The following OCA2 variants were observed in gnomAD, a reference collection of about 807,000 sequenced individuals.
The protein encoded by OCA2 is OCA2 melanosomal transmembrane protein.
Under a neutral mutation model 100.2 loss-of-function variants are expected in OCA2, and 77 were observed. That is an observed-to-expected ratio of 0.77 (90% CI 0.64 to 0.93). The LOEUF (loss-of-function observed/expected upper bound fraction) is 0.93, where lower values mean the gene tolerates loss of function less well. Among genes scored for constraint, OCA2 ranks in the 40% least tolerant of loss-of-function variants. OCA2 has a pLI of 0.00. For synonymous variants in OCA2, 432 were observed against 439.2 expected, an observed-to-expected ratio of 0.98 and a Z score of 0.21; for missense variants, 1,062 against 1,089.1, an observed-to-expected ratio of 0.98 and a Z score of 0.35.
chr15:27,879,244 C>A (rs921027969), intron 19 of OCA2, among the ~76,000 whole-genome samples: 1 of 152,112 alleles, frequency 6.6e-6, no homozygotes, highest in Non-Finnish European at 1.5e-5. Flanking sequence ...TTTTCTTTAT[C>A]CAGGCTATCA....
intron 22 of OCA2, among the ~76,000 whole-genome samples, chr15:27,847,917 G>A (rs770837575): frequency 4.8e-4 from 73 of 152,330 alleles, no homozygotes; most frequent in African/African-American, 1.0e-3. Context: ...GCTCTGTGGC[G>A]CCGTCAGGAC....
intron 2 of OCA2, among the ~76,000 whole-genome samples, chr15:28,080,509 A>G (rs2044585525): frequency 6.6e-6 from 1 of 152,274 alleles, no homozygotes; most frequent in Non-Finnish European, 1.5e-5. Context: ...GAGCAACTCA[A>G]AGTTTCACCA....
chr15:27,791,295 A>G (rs1294855429), intron 23 of OCA2, among the ~76,000 whole-genome samples: 1 of 152,228 alleles, frequency 6.6e-6, no homozygotes, highest in African/African-American at 2.4e-5. Context: ...AATGATGAAA[A>G]GACACTCTTA....
At chr15:27,865,524 C>A (rs1022022555) in intron 21 of OCA2, among the ~76,000 whole-genome samples, 1 of 152,214 alleles carries the variant, frequency 6.6e-6, no homozygotes, top group African/African-American at 2.4e-5. Context: ...TGTGGGCAGG[C>A]ACACCTGTCT....
chr15:27,960,268 A>T (rs550778577), intron 15 of OCA2, among the ~76,000 whole-genome samples: 3 of 152,330 alleles, frequency 2.0e-5, no homozygotes, highest in African/African-American at 7.2e-5. Flanking sequence ...TTCCACATTA[A>T]CATTATTGTG....
intron 2 of OCA2, among the ~76,000 whole-genome samples, chr15:28,044,376 C>T (rs563939357): frequency 9.4e-4 from 143 of 152,252 alleles, no homozygotes; most frequent in African/African-American, 3.4e-3. Context: ...AGCTCTTCTT[C>T]GAAAACCACT....
intron 9 of OCA2, among the ~76,000 whole-genome samples, chr15:28,004,304 T>C (rs1199635841): frequency 6.6e-6 from 1 of 150,784 alleles, no homozygotes; most frequent in African/African-American, 2.5e-5. Context: ...CCCCGTGGTG[T>C]GCTGCATTGT....
intron 14 of OCA2, among the ~76,000 whole-genome samples, chr15:27,975,920 T>C (rs1421037097): frequency 6.6e-6 from 1 of 152,182 alleles, no homozygotes; most frequent in Non-Finnish European, 1.5e-5. Flanking sequence ...ATAAACAAGG[T>C]GTACCTCTTA....
Position 27,929,863 on chromosome 15 carries a change from T to C in OCA2, c.1952-3609A>G, listed in dbSNP as rs371839470. 6.3e-5 allele frequency among the ~76,000 whole-genome samples: 8 copies of C among 126,074 alleles called. No homozygotes were observed. In the South Asian group the frequency reaches 1.5e-3, roughly 24 times the overall value. 82.7% of individuals were successfully genotyped at this position (126,074 alleles called of 152,430 possible). On this transcript the variant is annotated intron_variant, in intron 18 of 23. Coordinates refer to ENST00000354638, the MANE Select transcript of OCA2 (RefSeq NM_000275.3). ...ACACTTCAACAAAGAAGACATAAGA[T>C]TGACAAATGATTACATGAAAAGATG...
Position 27,795,541 on chromosome 15 carries a change from C to T in OCA2, c.2433-40069G>A, listed in dbSNP as rs796679053. ...TGGCACTACAACCAAACGGGCCCCC[C>T]ACTCTCACCCTCTCTCTCAGCTGAT... On this transcript the variant is annotated intron_variant, in intron 23 of 23. Coordinates refer to ENST00000354638, the MANE Select transcript of OCA2 (RefSeq NM_000275.3). Among the ~76,000 whole-genome samples, 48 of 152,320 alleles carry T rather than the reference C, an allele frequency of 3.2e-4. 1 individual carries two copies. The highest frequency in any genetic ancestry group is 1.1e-3 in the African/African-American group (46 of 41,562).
At chr15:28,086,595 C>T (rs1049980225) in intron 1 of OCA2, among the ~76,000 whole-genome samples, 49 of 151,982 alleles carry the variant, frequency 3.2e-4, no homozygotes, top group African/African-American at 1.1e-3. Flanking sequence ...ATAGTGATAA[C>T]CAGGAAAATC....
At chr15:27,956,346 T>A (rs1206775427) in intron 16 of OCA2, among the ~76,000 whole-genome samples, 1 of 152,012 alleles carries the variant, frequency 6.6e-6, no homozygotes. Context: ...CGAAACTCCG[T>A]CTCAAAAAAA....
At chr15:28,051,970 C>T (rs572060428) in intron 2 of OCA2, among the ~76,000 whole-genome samples, 11 of 152,276 alleles carry the variant, frequency 7.2e-5, no homozygotes, top group South Asian at 2.1e-4. Flanking sequence ...GTCTAACCCC[C>T]CTCTGCTTCA....
intron 14 of OCA2, among the ~76,000 whole-genome samples, chr15:27,969,905 T>TAAAAA (rs34786123): frequency 2.1e-5 from 3 of 144,378 alleles, no homozygotes; most frequent in Non-Finnish European, 4.5e-5. Context: ...TGTGAAAATT[T>TAAAAA]AAAAAAAAAA....
chr15:28,081,932 G>T, intron 1 of OCA2, 37 bp from the exon 2 acceptor site: 4 of 1,513,982 alleles, frequency 2.6e-6, no homozygotes. Flanking sequence ...TTCATGAAAG[G>T]CACACTGAGA....
chr15:27,951,347 C>G (rs776913303), intron 18 of OCA2, among the ~76,000 whole-genome samples: 1 of 152,240 alleles, frequency 6.6e-6, no homozygotes, highest in Non-Finnish European at 1.5e-5. Context: ...CTGCAGAGCA[C>G]CGGCCATTCG....
intron 2 of OCA2, among the ~76,000 whole-genome samples, chr15:28,055,131 T>C (rs2043649781): frequency 6.6e-6 from 1 of 152,172 alleles, no homozygotes; most frequent in Admixed American, 6.5e-5. Flanking sequence ...TTTCGTAACA[T>C]GGGTGAGCCA....
intron 9 of OCA2, among the ~76,000 whole-genome samples, chr15:27,996,571 T>A (rs2041734277): frequency 6.9e-6 from 1 of 144,034 alleles, no homozygotes. Flanking sequence ...ACAAAATTGA[T>A]GGAACTTTAT....
intron 23 of OCA2, among the ~76,000 whole-genome samples, chr15:27,806,927 ATT>A (rs2033878512): frequency 6.6e-6 from 1 of 151,814 alleles, no homozygotes; most frequent in African/African-American, 2.4e-5. Context: ...TCCTGCCCAC[ATT>A]CTGCATGGCA....
Sources: gnomAD v4.1 joint callset for allele counts (sites outside exome capture counted in the v4.1 genomes callset) on GRCh38, gnomAD v4.1.1 for gene constraint, MANE v1.5 for transcripts, NCBI Gene and HGNC (gene_info 2026-07-23, HGNC 2026-07-21) for gene names.